The following DIAPH2 variants were observed in gnomAD, a reference collection of about 807,000 sequenced individuals.
DIAPH2 encodes protein diaphanous homolog 2.
Under a neutral mutation model 92.7 loss-of-function variants are expected in DIAPH2, and 35 were observed. That is an observed-to-expected ratio of 0.38 (90% CI 0.29 to 0.50). The LOEUF (loss-of-function observed/expected upper bound fraction) is 0.50, where lower values mean the gene tolerates loss of function less well. DIAPH2 is among the 20% of genes least tolerant of loss of function. The pLI is 0.94. For synonymous variants in DIAPH2, 301 were observed against 280.4 expected, an observed-to-expected ratio of 1.07 and a Z score of -0.73; for missense variants, 701 against 819.5, an observed-to-expected ratio of 0.86 and a Z score of 1.77.
intron 24 of DIAPH2, among the ~76,000 whole-genome samples, chrX:97,372,130 C>T: frequency 8.9e-6 from 1 of 112,241 alleles, no homozygotes; most frequent in Admixed American, 9.5e-5. Context: ...GTTCAGCATT[C>T]TAATGGACTG....
rs184106836 is a variant in DIAPH2 at position 96,888,658 on chromosome X, T to A, written c.587+6940T>A. On this transcript the variant is annotated intron_variant, in intron 5 of 26. Transcript: ENST00000324765. Reference sequence around the variant, plus strand: ...ATATATATCTATATATATATTACCATGTATATACAGATATATATATATCTG... The same window carrying A: ...ATATATATCTATATATATATTACCAAGTATATACAGATATATATATATCTG... 7.7e-4 allele frequency among the ~76,000 whole-genome samples: 79 copies of A among 102,429 alleles called. 1 individual carries two copies. The East Asian group carries it at 0.022, about 29-fold the overall frequency. The allele number at this position is 102,429 out of a possible 115,157, so 88.9% of individuals were successfully genotyped here.
At chrX:97,525,552 A>G (rs1345270107) in intron 26 of DIAPH2, among the ~76,000 whole-genome samples, 3 of 112,113 alleles carry the variant, frequency 2.7e-5, no homozygotes, top group African/African-American at 9.7e-5. Flanking sequence ...AGCATGTCTT[A>G]TTTATCTTTG....
chrX:96,862,396 A>G (rs893745630), intron 4 of DIAPH2, among the ~76,000 whole-genome samples: 2 of 112,128 alleles, frequency 1.8e-5, no homozygotes, highest in Non-Finnish European at 3.8e-5. Flanking sequence ...TATTTGAATG[A>G]ATGATCATTG....
At chrX:97,519,452 C>T (rs893547219) in intron 26 of DIAPH2, among the ~76,000 whole-genome samples, 3 of 112,222 alleles carry the variant, frequency 2.7e-5, no homozygotes, top group Admixed American at 1.9e-4. Context: ...GTTATTACCA[C>T]GTGTCATATT....
intron 1 of DIAPH2, among the ~76,000 whole-genome samples, chrX:96,710,835 G>A (rs903508653): frequency 1.8e-5 from 2 of 111,347 alleles, no homozygotes; most frequent in African/African-American, 6.5e-5. Context: ...CCAATGTGTA[G>A]TCTTTTATCC....
chrX:97,149,838 A>G (rs1050144523), intron 22 of DIAPH2, among the ~76,000 whole-genome samples: 2 of 109,359 alleles, frequency 1.8e-5, no homozygotes, highest in Non-Finnish European at 3.8e-5. Context: ...ATTTAGGGGA[A>G]CGTTGTTAAA....
At chrX:96,928,796 A>G (rs1260079573) in intron 9 of DIAPH2, among the ~76,000 whole-genome samples, 1 of 111,387 alleles carries the variant, frequency 9.0e-6, no homozygotes, top group South Asian at 3.7e-4. Flanking sequence ...AATGGATGGA[A>G]CGTCTTTGTT....
chrX:96,700,411 T>C (rs1408188696), intron 1 of DIAPH2, among the ~76,000 whole-genome samples: 1 of 112,363 alleles, frequency 8.9e-6, no homozygotes, highest in African/African-American at 3.2e-5. Context: ...CTTCTCACTG[T>C]TATCTGTTCT....
intron 20 of DIAPH2, among the ~76,000 whole-genome samples, chrX:97,112,724 C>G (rs1326245241): frequency 2.9e-5 from 3 of 103,112 alleles, no homozygotes; most frequent in African/African-American, 1.1e-4. Flanking sequence ...ACACCATTCT[C>G]TCTCTTTACT....
chrX:96,740,859 T>G (rs1425304345), intron 3 of DIAPH2, among the ~76,000 whole-genome samples: 1 of 111,248 alleles, frequency 9.0e-6, no homozygotes, highest in East Asian at 2.8e-4. Context: ...TCAGTTTATA[T>G]GTCCCTACTC....
chrX:96,951,750 G>A (rs889562733), intron 15 of DIAPH2, among the ~76,000 whole-genome samples: 3 of 111,729 alleles, frequency 2.7e-5, no homozygotes, highest in African/African-American at 9.8e-5. Context: ...GGGAGGGAAA[G>A]GAAAGGCTGA....
chrX:97,145,962 C>T (rs1438659843), intron 22 of DIAPH2, among the ~76,000 whole-genome samples: 2 of 98,145 alleles, frequency 2.0e-5, no homozygotes, highest in Non-Finnish European at 4.0e-5. Flanking sequence ...AACTGACTGT[C>T]ATTTGCCAAA....
At chrX:96,778,151 C>A (rs911041507) in intron 4 of DIAPH2, among the ~76,000 whole-genome samples, 8 of 106,282 alleles carry the variant, frequency 7.5e-5, no homozygotes, top group Non-Finnish European at 1.2e-4. Flanking sequence ...TTTGTCCTTG[C>A]GATAGTTTGC....
chrX:97,072,241 T>C (rs746187297), intron 17 of DIAPH2, among the ~76,000 whole-genome samples: 42 of 112,236 alleles, frequency 3.7e-4, no homozygotes, highest in African/African-American at 1.2e-3. Flanking sequence ...GCACTGCTAC[T>C]CCTTACCCTT....
chrX:97,402,569 AC>A (rs1386927976), intron 25 of DIAPH2, among the ~76,000 whole-genome samples: 1 of 111,337 alleles, frequency 9.0e-6, no homozygotes, highest in Non-Finnish European at 1.9e-5. Context: ...TGCCCTATAA[AC>A]CCTCATGTAT....
intron 15 of DIAPH2, among the ~76,000 whole-genome samples, chrX:96,956,670 T>G (rs1427968780): frequency 8.9e-6 from 1 of 112,200 alleles, no homozygotes; most frequent in East Asian, 2.8e-4. Flanking sequence ...CCAGTCTCTT[T>G]GCATTGCAAG....
intron 5 of DIAPH2, among the ~76,000 whole-genome samples, chrX:96,893,715 T>C (rs1024752017): frequency 1.8e-5 from 2 of 112,331 alleles, no homozygotes; most frequent in Non-Finnish European, 3.8e-5. Context: ...GAAATGCCCC[T>C]GAGGCTCTCC....
At chrX:97,487,270 C>CT (rs1444830326) in intron 26 of DIAPH2, among the ~76,000 whole-genome samples, 71 of 110,767 alleles carry the variant, frequency 6.4e-4, no homozygotes, top group African/African-American at 2.2e-3. Context: ...GCTGTCAATT[C>CT]TTTTTTTTGT....
intron 4 of DIAPH2, among the ~76,000 whole-genome samples, chrX:96,825,663 A>G (rs931918858): frequency 2.7e-5 from 3 of 111,618 alleles, no homozygotes; most frequent in African/African-American, 6.5e-5. Context: ...TTTTACACTT[A>G]TTATATCTAA....
Sources: allele counts gnomAD v4.1 joint callset (sites outside exome capture counted in the v4.1 genomes callset), GRCh38; gene constraint gnomAD v4.1.1; transcripts MANE v1.5; gene names NCBI Gene and HGNC (gene_info 2026-07-23, HGNC 2026-07-21).